Variants in INPP4B observed in about 807,000 individuals in gnomAD.
INPP4B encodes the protein inositol polyphosphate-4-phosphatase type II B.
In INPP4B, 55 loss-of-function variants were observed where a neutral mutation model predicts 122.5. The observed-to-expected ratio is 0.45, with a 90% CI of 0.36 to 0.56. The LOEUF is 0.56. Among genes scored for constraint, INPP4B ranks in the 20% least tolerant of loss-of-function variants. INPP4B has a pLI of 0.00. For missense variants in INPP4B, 1,000 were observed against 1,097.7 expected, an observed-to-expected ratio of 0.91 and a Z score of 1.26; for synonymous variants, 403 against 388.7, an observed-to-expected ratio of 1.04 and a Z score of -0.43.
intron 7 of INPP4B, among the ~76,000 whole-genome samples, chr4:142,345,625 G>A (rs1368971508): frequency 6.6e-5 from 10 of 151,968 alleles, no homozygotes; most frequent in Non-Finnish European, 1.3e-4. Context: ...ATTAGAGAGC[G>A]TAGTATCCGA....
At chr4:142,720,733 T>TATATATATATACATATATACATAA (rs1553997301) in intron 2 of INPP4B, among the ~76,000 whole-genome samples, 1 of 55,448 alleles carries the variant, frequency 1.8e-5, no homozygotes, top group African/African-American at 9.2e-5. Flanking sequence ...TATATATACA[T>TATATATATATACATATATACATAA]ATATATATAT....
intron 3 of INPP4B, among the ~76,000 whole-genome samples, chr4:142,460,878 T>C (rs1041974903): frequency 5.9e-5 from 9 of 151,968 alleles, no homozygotes; most frequent in African/African-American, 2.2e-4. Context: ...CTCCACATTT[T>C]ATATCAAATC....
intron 9 of INPP4B, among the ~76,000 whole-genome samples, chr4:142,272,953 T>C (rs1427684589): frequency 6.6e-6 from 1 of 151,992 alleles, no homozygotes; most frequent in Non-Finnish European, 1.5e-5. Context: ...ATATTCTAAA[T>C]TTTTTCACTG....
intron 14 of INPP4B, among the ~76,000 whole-genome samples, chr4:142,206,917 A>T (rs1231135308): frequency 6.6e-6 from 1 of 152,148 alleles, no homozygotes; most frequent in Non-Finnish European, 1.5e-5. Context: ...TTCATTTTGC[A>T]TAACTGCGAC....
At chr4:142,746,846 C>T (rs1768831690) in intron 1 of INPP4B, among the ~76,000 whole-genome samples, 2 of 152,128 alleles carry the variant, frequency 1.3e-5, no homozygotes, top group South Asian at 4.1e-4. Flanking sequence ...TGGATCCCTT[C>T]CTTACACCTT....
intron 2 of INPP4B, among the ~76,000 whole-genome samples, chr4:142,725,262 A>G (rs1345133232): frequency 2.0e-5 from 3 of 152,152 alleles, no homozygotes; most frequent in Non-Finnish European, 4.4e-5. Flanking sequence ...CTAAATATGC[A>G]TCTGTTAAGT....
chr4:142,352,219 C>A (rs1180259932), intron 7 of INPP4B, among the ~76,000 whole-genome samples: 1 of 151,872 alleles, frequency 6.6e-6, no homozygotes, highest in Admixed American at 6.6e-5. Context: ...ACAACGAAGG[C>A]CCTGGCAGCA....
At chr4:142,290,439 C>G (rs1755941458) in intron 9 of INPP4B, among the ~76,000 whole-genome samples, 1 of 151,914 alleles carries the variant, frequency 6.6e-6, no homozygotes, top group African/African-American at 2.4e-5. Context: ...AACTCCTGAC[C>G]TGGTGATCGA....
chr4:142,487,125 C>T (rs952109495), intron 2 of INPP4B, among the ~76,000 whole-genome samples: 6 of 152,082 alleles, frequency 3.9e-5, no homozygotes, highest in South Asian at 2.1e-4. Flanking sequence ...GTTTTAAAAA[C>T]GGGAGTTTCT....
At chr4:142,236,958 A>G (rs1413331773) in intron 12 of INPP4B, among the ~76,000 whole-genome samples, 1 of 152,196 alleles carries the variant, frequency 6.6e-6, no homozygotes, top group African/African-American at 2.4e-5. Context: ...TAGAACCTTA[A>G]CAGTATTTTA....
At chr4:142,198,665 G>A (rs1037865421) in intron 14 of INPP4B, among the ~76,000 whole-genome samples, 2 of 151,812 alleles carry the variant, frequency 1.3e-5, no homozygotes, top group African/African-American at 4.8e-5. Context: ...GCTTCAGAGG[G>A]TCAATGTCTT....
chr4:142,123,424 A>C lies in INPP4B; in HGVS notation c.1894-9T>G. On this transcript the variant is annotated splice_polypyrimidine_tract_variant and intron_variant, in intron 19 of 25. Coordinates refer to ENST00000262992, the MANE Select transcript of INPP4B (RefSeq NM_001101669.3). The stretch of plus-strand genomic sequence containing the variant: ...CAAACCAATCCAGCAAGCTGAAAAA[A>C]AAATATTGATGAGATTTACTGCAGT... 1 of 1,608,308 alleles carries C rather than the reference A, an allele frequency of 6.2e-7. No individual in the cohort carries two copies. Among genetic ancestry groups the C allele is most frequent in the Non-Finnish European group, 8.5e-7 (1 of 1,178,006 alleles).
At chr4:142,029,794 A>T in intron 25 of INPP4B, 7 of 1,003,970 alleles carry the variant, frequency 7.0e-6, no homozygotes, top group Non-Finnish European at 8.3e-6. Flanking sequence ...TTTCAGTCTT[A>T]ATTTCTTTAA....
At chr4:142,142,788 C>G (rs1808540887) in intron 18 of INPP4B, among the ~76,000 whole-genome samples, 1 of 151,980 alleles carries the variant, frequency 6.6e-6, no homozygotes, top group African/African-American at 2.4e-5. Flanking sequence ...GTTGTCACCA[C>G]AAGGAATGAT....
At chr4:142,692,631 AATCCT>A (rs1421144758) in intron 2 of INPP4B, among the ~76,000 whole-genome samples, 3 of 152,210 alleles carry the variant, frequency 2.0e-5, no homozygotes, top group Admixed American at 2.0e-4. Flanking sequence ...ACAAAGTTAA[AATCCT>A]ATTCAAGGTC....
chr4:142,051,993 G>A (rs1021842443), intron 25 of INPP4B, among the ~76,000 whole-genome samples: 5 of 151,894 alleles, frequency 3.3e-5, no homozygotes, highest in African/African-American at 9.7e-5. Context: ...TAATAACACC[G>A]TTCTCATCTC....
chr4:142,638,270 T>C (rs752173126), intron 2 of INPP4B, among the ~76,000 whole-genome samples: 5 of 152,196 alleles, frequency 3.3e-5, no homozygotes, highest in Non-Finnish European at 7.4e-5. Flanking sequence ...ATCATCACCA[T>C]ACCTAAGTTC....
intron 1 of INPP4B, among the ~76,000 whole-genome samples, chr4:142,748,927 G>C (rs543305275): frequency 3.3e-5 from 5 of 151,914 alleles, no homozygotes; most frequent in South Asian, 4.2e-4. Context: ...GTCACTTGTG[G>C]CCAGAAGTTC....
chr4:142,582,605 T>C (rs1173189331), intron 2 of INPP4B, among the ~76,000 whole-genome samples: 1 of 152,126 alleles, frequency 6.6e-6, no homozygotes. Context: ...AATCAATCTA[T>C]AAAGAAAATG....
Sources: gnomAD v4.1 joint callset for allele counts (sites outside exome capture counted in the v4.1 genomes callset) on GRCh38, gnomAD v4.1.1 for gene constraint, MANE v1.5 for transcripts, NCBI Gene and HGNC (gene_info 2026-07-23, HGNC 2026-07-21) for gene names.